The following CAMTA1 variants were observed in gnomAD, a reference collection of about 807,000 sequenced individuals.
CAMTA1 encodes the protein calmodulin-binding transcription activator 1.
In CAMTA1, 27 loss-of-function variants were observed where a neutral mutation model predicts 170.9. The observed-to-expected ratio is 0.16, with a 90% CI of 0.12 to 0.22. The LOEUF (loss-of-function observed/expected upper bound fraction) is 0.22, where lower values mean the gene tolerates loss of function less well. Among genes scored for constraint, CAMTA1 ranks in the 10% least tolerant of loss-of-function variants. CAMTA1 has a pLI of 1.00. For missense variants in CAMTA1, 1,619 were observed against 2,217.2 expected (o/e 0.73, Z 5.42); for synonymous variants, 833 against 891.5 (o/e 0.93, Z 1.17).
Position 7,532,441 on chromosome 1 carries a change from A to T in CAMTA1, c.510+64540A>T, listed in dbSNP as rs573534923. Among the ~76,000 whole-genome samples the T allele has an allele frequency of 6.6e-6, 1 of 152,164 alleles. No individual in the cohort carries two copies. Among genetic ancestry groups the T allele is most frequent in the East Asian group, 1.9e-4 (1 of 5,182 alleles). ...CTCCCAAGTATCTGGGACTACAGGC[A>T]CACACCCCTGTGCCCAGCTAATTTT... On this transcript the variant is annotated intron_variant, in intron 6 of 22. Coordinates refer to ENST00000303635, the MANE Select transcript of CAMTA1 (RefSeq NM_015215.4). This position sits in a 1 kb window ranked among gnomAD's most constrained non-coding sequence, Gnocchi z 4.2.
chr1:7,766,468 A>C lies in CAMTA1; in HGVS notation c.4999A>C (p.Ile1667Leu). The C allele has an allele frequency of 1.2e-6, 2 of 1,614,188 alleles. No individual in the cohort carries two copies. The highest frequency in any genetic ancestry group is 1.7e-6 in the Non-Finnish European group (2 of 1,180,012). The change falls in exon 23 of 23, where the codon ATT becomes CTT. Residue 1667 changes from isoleucine (I) to leucine (L), a missense_variant. This residue lies in a region of CAMTA1 where 128 missense variants were observed against 213.5 expected (regional missense o/e 0.60). Coordinates refer to ENST00000303635, the MANE Select transcript of CAMTA1 (RefSeq NM_015215.4). ...TTTGTTTCTCTTCCAGAGTGAAAGA[A>C]TTGAAAAAGGCCAAGGAACTTGAAG... ...DHRLYKRSER[I>L]EKGQGT
intron 5 of CAMTA1, among the ~76,000 whole-genome samples, chr1:7,336,545 G>A (rs962327408): frequency 3.3e-5 from 5 of 152,242 alleles, no homozygotes; most frequent in South Asian, 2.1e-4. Flanking sequence ...GAGCATGTAC[G>A]TGTGATTGCA....
At chr1:6,945,223 A>C (rs1219879494) in intron 3 of CAMTA1, among the ~76,000 whole-genome samples, 3 of 152,246 alleles carry the variant, frequency 2.0e-5, no homozygotes, top group Non-Finnish European at 4.4e-5. Flanking sequence ...ACCCATTAAA[A>C]TGTATAGTTC....
intron 3 of CAMTA1, among the ~76,000 whole-genome samples, chr1:7,072,071 C>T (rs79800289): frequency 0.01 from 1,584 of 152,296 alleles, 35 homozygotes; most frequent in African/African-American, 0.036. Flanking sequence ...GTGGGTACCC[C>T]GCTCTACATG....
Position 7,144,808 on chromosome 1 carries a change from G to T in CAMTA1, c.302+53437G>T, listed in dbSNP as rs1229358225. On this transcript the variant is annotated intron_variant, in intron 4 of 22. Coordinates refer to ENST00000303635, the MANE Select transcript of CAMTA1 (RefSeq NM_015215.4). This position sits in a 1 kb window ranked among gnomAD's most constrained non-coding sequence, Gnocchi z 4.0. ...TCCAAAGAGTACTTTATTGTTTAAA[G>T]TAGAGCCATTGAGAATGTTCCCTAT... 2.0e-5 allele frequency among the ~76,000 whole-genome samples: 3 copies of T among 152,192 alleles called. No homozygotes were observed. Among genetic ancestry groups the T allele is most frequent in the African/African-American group, 7.2e-5 (3 of 41,452 alleles).
chr1:7,736,419 C>T lies in CAMTA1; in HGVS notation c.3142C>T (p.Arg1048Ter), dbSNP rs2149989087. 6.2e-7 allele frequency: 1 copy of T among 1,613,984 alleles called. No individual in the cohort carries two copies. Among genetic ancestry groups the T allele is most frequent in the Non-Finnish European group, 8.5e-7 (1 of 1,180,014 alleles). The change falls in exon 13 of 23, where the codon CGA (arginine) becomes TGA (stop). Residue 1048 changes from arginine (R) to a stop codon, truncating the protein, a stop_gained. Transcript: ENST00000303635. LOFTEE classifies it high-confidence loss of function. This position sits in a 1 kb window ranked among gnomAD's most constrained non-coding sequence, Gnocchi z 4.5. Reference protein sequence around the residue: ...VVVVCEKMMSRACWAKSKHLI... With the variant: ...VVVVCEKMMS The stretch of plus-strand genomic sequence containing the variant: ...CGTGGTATGCGAGAAGATGATGAGC[C>T]GAGCCTGCTGGGCGAAGTCCAAGCA...
chr1:7,430,279 C>T lies in CAMTA1; in HGVS notation c.439-37551C>T, dbSNP rs115082414. The stretch of plus-strand genomic sequence containing the variant: ...CTGATGATGATGGGGATGATGATGA[C>T]GAGGATGATGGAGATGTTGGTAGAG... On this transcript the variant is annotated intron_variant, in intron 5 of 22. Transcript: ENST00000303635. 4.4e-3 allele frequency among the ~76,000 whole-genome samples: 623 copies of T among 142,528 alleles called. 5 individuals carry two copies. The highest frequency in any genetic ancestry group is 0.015 in the African/African-American group (568 of 37,972). 93.5% of individuals were successfully genotyped at this position (142,528 alleles called of 152,430 possible). A position where few individuals can be genotyped will look rare whatever the true frequency, so the allele number is the denominator to read the frequency against.
chr1:7,445,559 G>A (rs1410205626), intron 5 of CAMTA1, among the ~76,000 whole-genome samples: 1 of 152,156 alleles, frequency 6.6e-6, no homozygotes, highest in Non-Finnish European at 1.5e-5. Context: ...CAGCCTGGAG[G>A]GGGAGGCGGA....
chr1:7,252,447 A>G (rs1666774307), intron 5 of CAMTA1, among the ~76,000 whole-genome samples: 1 of 152,200 alleles, frequency 6.6e-6, no homozygotes, highest in Non-Finnish European at 1.5e-5. Flanking sequence ...CCCACATCTC[A>G]CCAGCATTTC....
rs2094506031 is a variant in CAMTA1 at position 7,532,752 on chromosome 1, G to C, written c.510+64851G>C. Reference sequence around the variant, plus strand: ...CCCAATCGCTGATAGAAGAATGAATGAGTGGATGGATCAAGGGAGATTTAA... The same window carrying C: ...CCCAATCGCTGATAGAAGAATGAATCAGTGGATGGATCAAGGGAGATTTAA... On this transcript the variant is annotated intron_variant, in intron 6 of 22. Coordinates refer to ENST00000303635, the MANE Select transcript of CAMTA1 (RefSeq NM_015215.4). This position sits in a 1 kb window ranked among gnomAD's most constrained non-coding sequence, Gnocchi z 4.2. Among the ~76,000 whole-genome samples, 1 of 152,200 alleles carries C rather than the reference G, an allele frequency of 6.6e-6. No homozygotes were observed.
At chr1:6,819,056 C>T (rs1422945937) in intron 1 of CAMTA1, among the ~76,000 whole-genome samples, 1 of 151,496 alleles carries the variant, frequency 6.6e-6, no homozygotes, top group African/African-American at 2.4e-5. Flanking sequence ...TGGGCTCAAG[C>T]GATCTTCCTA....
chr1:7,021,556 A>T (rs957567191), intron 3 of CAMTA1, among the ~76,000 whole-genome samples: 3 of 152,162 alleles, frequency 2.0e-5, no homozygotes, highest in African/African-American at 7.2e-5. Flanking sequence ...TTTTTAAATT[A>T]TAATCAAAAC....
intron 3 of CAMTA1, among the ~76,000 whole-genome samples, chr1:6,842,847 C>T (rs1656422671): frequency 6.6e-6 from 1 of 151,920 alleles, no homozygotes; most frequent in African/African-American, 2.4e-5. Context: ...TTGCTTGAAC[C>T]CGGGAGGTGG....
intron 3 of CAMTA1, among the ~76,000 whole-genome samples, chr1:7,013,787 C>T (rs1700154893): frequency 1.3e-5 from 2 of 152,206 alleles, no homozygotes; most frequent in Admixed American, 1.3e-4. Flanking sequence ...TTGCAATTCT[C>T]AACTTCTGGG....
chr1:7,495,967 T>A (rs2093820425), intron 6 of CAMTA1, among the ~76,000 whole-genome samples: 1 of 152,102 alleles, frequency 6.6e-6, no homozygotes, highest in Admixed American at 6.5e-5. Flanking sequence ...TCGTTTCATT[T>A]CAGGTCGATG....
chr1:7,486,304 A>G (rs1049452091), intron 6 of CAMTA1, among the ~76,000 whole-genome samples: 1 of 152,228 alleles, frequency 6.6e-6, no homozygotes, highest in Non-Finnish European at 1.5e-5. Context: ...GCTGTCTTCA[A>G]GCTACCAACA....
At chr1:7,637,274 C>T (rs951042328) in intron 6 of CAMTA1, among the ~76,000 whole-genome samples, 9 of 152,216 alleles carry the variant, frequency 5.9e-5, no homozygotes, top group Non-Finnish European at 1.0e-4. Context: ...CTCTCCCAGG[C>T]GTCTGGCATC....
intron 4 of CAMTA1, among the ~76,000 whole-genome samples, chr1:7,107,634 G>C (rs1035248954): frequency 1.3e-5 from 2 of 152,192 alleles, no homozygotes; most frequent in African/African-American, 4.8e-5. Context: ...GGGTGCTGCT[G>C]GGATGCCTTT....
chr1:7,537,109 C>T (rs896267334), intron 6 of CAMTA1, among the ~76,000 whole-genome samples: 5 of 152,264 alleles, frequency 3.3e-5, no homozygotes, highest in African/African-American at 7.2e-5. Context: ...CTACAGCGGG[C>T]GCCTCCTCCC....
Sources: gnomAD v4.1 joint callset for allele counts (sites outside exome capture counted in the v4.1 genomes callset) on GRCh38, gnomAD v4.1.1 for gene constraint, gnomAD v4.1.1 regional missense constraint, Gnocchi (gnomAD v3.1) non-coding constraint, MANE v1.5 for transcripts, NCBI Gene and HGNC (gene_info 2026-07-23, HGNC 2026-07-21) for gene names.